Variants in SBF2 observed in about 807,000 individuals in gnomAD.
The protein encoded by SBF2 is SET binding factor 2, also known as myotubularin-related protein 13.
In SBF2, 112 loss-of-function variants were observed where a neutral mutation model predicts 225.2. That is an observed-to-expected ratio of 0.50 (90% CI 0.43 to 0.58). The LOEUF (loss-of-function observed/expected upper bound fraction) is 0.58. SBF2 is among the 20% of genes least tolerant of loss of function. SBF2 has a pLI of 0.00. For synonymous variants in SBF2, 763 were observed against 773.3 expected (o/e 0.99, Z 0.22); for missense variants, 1,996 against 2,206.2 (o/e 0.90, Z 1.91).
At chr11:10,076,792 G>A (rs747627610) in intron 2 of SBF2, among the ~76,000 whole-genome samples, 6 of 152,126 alleles carry the variant, frequency 3.9e-5, no homozygotes, top group Non-Finnish European at 5.9e-5. Flanking sequence ...CTCCTCCCTC[G>A]AGCATTGCCC....
intron 16 of SBF2, chr11:9,929,126 C>T (rs549611516): frequency 3.6e-6 from 1 of 279,098 alleles, no homozygotes; most frequent in Non-Finnish European, 6.9e-6. Flanking sequence ...GAGCAATCAT[C>T]AAAGCTCATC....
At chr11:10,239,008 G>A (rs1235378828) in intron 1 of SBF2, among the ~76,000 whole-genome samples, 1 of 150,448 alleles carries the variant, frequency 6.6e-6, no homozygotes, top group Non-Finnish European at 1.5e-5. Context: ...AAACAAAACA[G>A]GAATACAGAA....
In SBF2 at chr11:10,133,043, G is replaced by A. The variant is rs1253351076; in HGVS notation, c.141+60859C>T. On this transcript the variant is annotated intron_variant, in intron 2 of 39. Transcript: ENST00000256190. ...AACCTTGAGCTAGATACAGAGTGCCGATTGGTGTATTTACAATCCTTGAGC... is the reference window on the plus strand; with the variant it reads ...AACCTTGAGCTAGATACAGAGTGCCAATTGGTGTATTTACAATCCTTGAGC... Among the ~76,000 whole-genome samples the A allele has an allele frequency of 3.4e-5, 5 of 145,642 alleles. No individual in the cohort carries two copies. In the South Asian group the frequency reaches 6.5e-4, roughly 19 times the overall value.
chr11:9,812,812 T>A, intron 29 of SBF2, 104 bp from the exon 30 acceptor site: 2 of 1,164,554 alleles, frequency 1.7e-6, no homozygotes, highest in Non-Finnish European at 2.5e-6. Context: ...TGGGGCCAAA[T>A]AGCTGCAGAG....
At chr11:10,297,944 C>T (rs1196451859), upstream of SBF2, among the ~76,000 whole-genome samples, 2 of 152,256 alleles carry the variant, frequency 1.3e-5, no homozygotes, top group Non-Finnish European at 2.9e-5. Context: ...CAGACCATCC[C>T]CTACAATAAC....
chr11:9,908,644 T>C (rs1177963465), intron 16 of SBF2, among the ~76,000 whole-genome samples: 1 of 150,348 alleles, frequency 6.7e-6, no homozygotes, highest in Admixed American at 6.7e-5. Context: ...AAAAGTCTTA[T>C]CTTTATTTAA....
At chr11:10,185,129 C>T (rs1187513354) in intron 2 of SBF2, among the ~76,000 whole-genome samples, 8 of 150,954 alleles carry the variant, frequency 5.3e-5, no homozygotes, top group South Asian at 2.1e-4. Context: ...TGTGTGTGTG[C>T]GTGCACACGT....
In SBF2 at chr11:9,787,746, GAAATT is replaced by G. The variant is rs767990042; in HGVS notation, c.4933-13_4933-9del. 11 of 1,611,562 alleles carry G rather than the reference GAAATT, an allele frequency of 6.8e-6. No individual in the cohort carries two copies. Among genetic ancestry groups the G allele is most frequent in the Middle Eastern group, 3.3e-4 (2 of 6,082 alleles). On this transcript the variant is annotated splice_polypyrimidine_tract_variant and intron_variant, in intron 35 of 39. Transcript: ENST00000256190. ...CTCCAATTTTTCAATTTCCTGCAAA[GAAATT>G]AAAAGTTTTCTGATCAGTATTTCAT... is the stretch of plus-strand genomic sequence containing the variant.
chr11:10,256,240 C>T (rs539071403), intron 1 of SBF2, among the ~76,000 whole-genome samples: 5 of 152,166 alleles, frequency 3.3e-5, no homozygotes, highest in Non-Finnish European at 7.4e-5. Context: ...AATTTAGCTT[C>T]CCAACTCTGC....
chr11:9,880,911 A>G (rs1859709966), intron 17 of SBF2, among the ~76,000 whole-genome samples: 1 of 152,168 alleles, frequency 6.6e-6, no homozygotes, highest in Middle Eastern at 3.2e-3. Context: ...AAGAAATATG[A>G]TTTTCAAATT....
chr11:10,283,583 A>G (rs1356905539), intron 1 of SBF2, among the ~76,000 whole-genome samples: 1 of 152,170 alleles, frequency 6.6e-6, no homozygotes, highest in Non-Finnish European at 1.5e-5. Context: ...ATGAAATACC[A>G]CCAAGATACA....
chr11:9,859,664 A>G (rs1320137910), intron 17 of SBF2, among the ~76,000 whole-genome samples: 7 of 152,234 alleles, frequency 4.6e-5, no homozygotes, highest in South Asian at 2.1e-4. Context: ...CTAAGGTTAT[A>G]TAACTGTTAC....
At chr11:10,032,660 T>C (rs1590801239) in intron 3 of SBF2, among the ~76,000 whole-genome samples, 2 of 152,352 alleles carry the variant, frequency 1.3e-5, no homozygotes, top group Middle Eastern at 3.4e-3. Context: ...TTTGTTACTA[T>C]CCAACATATT....
intron 2 of SBF2, among the ~76,000 whole-genome samples, chr11:10,083,142 C>G (rs1951432351): frequency 6.6e-6 from 1 of 151,920 alleles, no homozygotes; most frequent in Non-Finnish European, 1.5e-5. Context: ...CTACCAAAAC[C>G]AAAACAACAC....
At chr11:10,130,897 A>G (rs1010626484) in intron 2 of SBF2, among the ~76,000 whole-genome samples, 2 of 152,096 alleles carry the variant, frequency 1.3e-5, no homozygotes, top group Non-Finnish European at 2.9e-5. Context: ...TTGCTACGAG[A>G]TATACCATAG....
intron 2 of SBF2, among the ~76,000 whole-genome samples, chr11:10,133,531 C>G (rs112874395): frequency 7.7e-6 from 1 of 130,454 alleles, no homozygotes; most frequent in Non-Finnish European, 1.8e-5. Context: ...GTACACCCTC[C>G]GCAGCCACTG....
chr11:10,065,388 C>A (rs560528966), intron 2 of SBF2, among the ~76,000 whole-genome samples: 12 of 151,602 alleles, frequency 7.9e-5, no homozygotes, highest in African/African-American at 2.2e-4. Flanking sequence ...AGTAAATAAA[C>A]AAGAAAAGAT....
At chr11:9,881,839 T>C (rs1264312022) in intron 17 of SBF2, among the ~76,000 whole-genome samples, 1 of 151,316 alleles carries the variant, frequency 6.6e-6, no homozygotes, top group Non-Finnish European at 1.5e-5. Context: ...GAAGAAGAAA[T>C]AGGCTGGGCG....
At chr11:9,985,654 C>A (rs1287842520) in intron 13 of SBF2, among the ~76,000 whole-genome samples, 1 of 152,108 alleles carries the variant, frequency 6.6e-6, no homozygotes. Context: ...GCAAAACAAA[C>A]TGTAAAGCAA....
Sources: allele counts gnomAD v4.1 joint callset (sites outside exome capture counted in the v4.1 genomes callset), GRCh38; gene constraint gnomAD v4.1.1; transcripts MANE v1.5; gene names NCBI Gene and HGNC (gene_info 2026-07-23, HGNC 2026-07-21).